The following DNER variants were observed in gnomAD, a reference collection of about 807,000 sequenced individuals.
The protein encoded by DNER is delta and Notch-like epidermal growth factor-related receptor.
In DNER, 33 loss-of-function variants were observed where a neutral mutation model predicts 78.2. That is an observed-to-expected ratio of 0.42 (90% CI 0.32 to 0.56). The LOEUF is 0.56. Ranked by LOEUF, DNER falls within the 20% of genes least tolerant of loss-of-function variation. DNER has a pLI of 0.11. For synonymous variants in DNER, 417 were observed against 384.8 expected (o/e 1.08, Z -0.98); for missense variants, 918 against 975.3 (o/e 0.94, Z 0.78).
chr2:229,681,840 AC>A (rs1203114722), intron 1 of DNER, among the ~76,000 whole-genome samples: 224 of 151,476 alleles, frequency 1.5e-3, no homozygotes, highest in African/African-American at 5.2e-3. Context: ...ACACACACAC[AC>A]ACACACACAC....
intron 1 of DNER, among the ~76,000 whole-genome samples, chr2:229,624,951 A>G (rs1440288284): frequency 6.6e-6 from 1 of 152,214 alleles, no homozygotes; most frequent in African/African-American, 2.4e-5. Flanking sequence ...CAGATTTCAA[A>G]TATGTAAGCA....
intron 11 of DNER, among the ~76,000 whole-genome samples, chr2:229,387,127 C>G (rs184822243): frequency 6.6e-6 from 1 of 152,240 alleles, no homozygotes; most frequent in Admixed American, 6.5e-5. Flanking sequence ...ACATATACAC[C>G]ATGGAATACT....
chr2:229,511,224 C>G (rs1297947915), intron 6 of DNER, among the ~76,000 whole-genome samples: 2 of 152,182 alleles, frequency 1.3e-5, no homozygotes, highest in Non-Finnish European at 2.9e-5. Flanking sequence ...CACCCAGTGG[C>G]AGAAGCTGGC....
intron 7 of DNER, among the ~76,000 whole-genome samples, chr2:229,452,448 T>A (rs1407776582): frequency 6.6e-6 from 1 of 151,856 alleles, no homozygotes; most frequent in African/African-American, 2.4e-5. Context: ...TGTAATACAA[T>A]AGGGACTGGC....
chr2:229,573,044 A>G (rs535154780), intron 4 of DNER, among the ~76,000 whole-genome samples: 5 of 152,280 alleles, frequency 3.3e-5, no homozygotes, highest in Middle Eastern at 3.4e-3. Flanking sequence ...ATAAACAAGG[A>G]TGCAGATAAA....
chr2:229,428,017 G>A (rs1227020439), intron 8 of DNER, among the ~76,000 whole-genome samples: 1 of 148,964 alleles, frequency 6.7e-6, no homozygotes, highest in Non-Finnish European at 1.5e-5. Flanking sequence ...AGAGGTTGCA[G>A]TGAGCTGGGA....
At chr2:229,681,450 T>A (rs1489142365) in intron 1 of DNER, among the ~76,000 whole-genome samples, 1 of 152,282 alleles carries the variant, frequency 6.6e-6, no homozygotes, top group Non-Finnish European at 1.5e-5. Context: ...AGACATGGTG[T>A]TACTCCTTTA....
intron 10 of DNER, among the ~76,000 whole-genome samples, chr2:229,399,369 G>GA (rs1368585020): frequency 6.6e-6 from 1 of 151,530 alleles, no homozygotes; most frequent in Non-Finnish European, 1.5e-5. Flanking sequence ...CATGTACAGG[G>GA]AAAAAATGTT....
chr2:229,386,480 T>C (rs1692868603), intron 11 of DNER, among the ~76,000 whole-genome samples: 1 of 152,066 alleles, frequency 6.6e-6, no homozygotes, highest in African/African-American at 2.4e-5. Flanking sequence ...TGAGATCTAA[T>C]TAAACTAAGG....
chr2:229,540,852 G>A (rs891366932), intron 5 of DNER, among the ~76,000 whole-genome samples: 5 of 152,304 alleles, frequency 3.3e-5, no homozygotes, highest in African/African-American at 2.4e-5. Flanking sequence ...TCTGGTATCC[G>A]ATCCTAATAG....
intron 5 of DNER, among the ~76,000 whole-genome samples, chr2:229,546,727 C>A (rs1258578500): frequency 1.3e-5 from 2 of 152,058 alleles, no homozygotes; most frequent in Non-Finnish European, 1.5e-5. Context: ...CAGAGCGAGA[C>A]CCCATCTCAA....
chr2:229,450,826 T>G (rs1301828084), intron 7 of DNER, among the ~76,000 whole-genome samples: 4 of 152,248 alleles, frequency 2.6e-5, no homozygotes, highest in Non-Finnish European at 5.9e-5. Context: ...GTAGATGAAC[T>G]GCTTATCAGC....
intron 4 of DNER, among the ~76,000 whole-genome samples, chr2:229,550,974 T>C (rs1696723809): frequency 2.0e-5 from 3 of 152,164 alleles, no homozygotes. Flanking sequence ...ATGTTCTCAA[T>C]GTTGAAGTCC....
At chr2:229,704,690 G>C (rs563207655) in intron 1 of DNER, among the ~76,000 whole-genome samples, 24 of 152,370 alleles carry the variant, frequency 1.6e-4, no homozygotes, top group African/African-American at 5.8e-4. Context: ...CTACAACGGG[G>C]CATGAGGAAA....
chr2:229,485,507 G>A (rs978958), intron 6 of DNER, among the ~76,000 whole-genome samples: 19,060 of 152,146 alleles, frequency 0.13, 1,342 homozygotes, highest in South Asian at 0.2. Context: ...AGAGAGAAGA[G>A]TGGCTAAGTT....
At chr2:229,526,678 A>T (rs1423214418) in intron 5 of DNER, among the ~76,000 whole-genome samples, 1 of 152,230 alleles carries the variant, frequency 6.6e-6, no homozygotes, top group African/African-American at 2.4e-5. Flanking sequence ...ATCGGACAGG[A>T]GGCAGAGCTC....
chr2:229,627,596 T>C (rs1012859240), intron 1 of DNER, among the ~76,000 whole-genome samples: 4 of 152,140 alleles, frequency 2.6e-5, no homozygotes, highest in Middle Eastern at 3.2e-3. Context: ...ATTGCATCAA[T>C]GAAACCATGA....
intron 1 of DNER, among the ~76,000 whole-genome samples, chr2:229,603,409 T>C (rs554768881): frequency 2.4e-4 from 36 of 152,118 alleles, no homozygotes; most frequent in Admixed American, 8.5e-4. Context: ...ACTTAAAGTA[T>C]AATAAAAACA....
intron 7 of DNER, among the ~76,000 whole-genome samples, chr2:229,455,406 C>G (rs16826035): frequency 1.3e-4 from 20 of 152,044 alleles, no homozygotes; most frequent in African/African-American, 4.8e-4. Context: ...TCCCTTTAAA[C>G]GGTGGTTCTG....
Sources: allele counts gnomAD v4.1 joint callset (sites outside exome capture counted in the v4.1 genomes callset), GRCh38; gene constraint gnomAD v4.1.1; transcripts MANE v1.5; gene names NCBI Gene and HGNC (gene_info 2026-07-23, HGNC 2026-07-21).